LIMD2: variants seen among roughly 807,000 people sequenced by gnomAD.
LIMD2 encodes LIM domain containing 2, also known as LIM domain-containing protein 2.
A neutral mutation model predicts 16.0 loss-of-function variants in LIMD2; 11 were observed. That is an observed-to-expected ratio of 0.69 (90% CI 0.43 to 1.14). The LOEUF (loss-of-function observed/expected upper bound fraction) is 1.14. LIMD2 is among the 50% of genes most tolerant of loss of function. The pLI is 0.00. For synonymous variants in LIMD2, 60 were observed against 67.1 expected (o/e 0.89, Z 0.52); for missense variants, 168 against 165.8 (o/e 1.01, Z -0.07).
intron 1 of LIMD2, 195 bp from the exon 2 acceptor site, chr17:63,699,543 T>G: frequency 1.9e-6 from 1 of 523,172 alleles, no homozygotes; most frequent in East Asian, 3.6e-5. Flanking sequence ...GGGTCCCGAG[T>G]GGCACCGTCC....
intron 1 of LIMD2, 127 bp from the exon 2 acceptor site, chr17:63,699,475 T>C (rs1250627948): frequency 7.8e-6 from 7 of 902,034 alleles, no homozygotes; most frequent in Non-Finnish European, 1.1e-5. Flanking sequence ...CCTGTTGCTC[T>C]TGGTCTTGCC....
In LIMD2 at chr17:63,698,446, A is replaced by C; in HGVS notation, c.*106T>G. ...GGTCCCCTACGCCTGAGCAAGCCTC[A>C]TCCCCTTCCCACCTGGCCCCCACGC... On this transcript the variant is annotated 3_prime_UTR_variant, in exon 5 of 5. Transcript: ENST00000259006. 7.6e-7 allele frequency: 1 copy of C among 1,317,028 alleles called. No individual in the cohort carries two copies. Among genetic ancestry groups the C allele is most frequent in the Non-Finnish European group, 1.0e-6 (1 of 965,762 alleles). The allele number at this position is 1,317,028 out of a possible 1,614,324, so 81.6% of individuals were successfully genotyped here. A position where few individuals can be genotyped will look rare whatever the true frequency, so the allele number is the denominator to read the frequency against.
chr17:63,700,807 G>GCCCGGAAGCCCCGGCAGC (rs2035774288), upstream of LIMD2: 1 of 150,922 alleles, frequency 6.6e-6, no homozygotes, highest in Non-Finnish European at 1.5e-5. This position sits in a 1 kb window ranked among gnomAD's most constrained non-coding sequence, Gnocchi z 7.1. Flanking sequence ...CTGCACGAGG[G>GCCCGGAAGCCCCGGCAGC]CCCGGCAGCC....
intron 2 of LIMD2, 32 bp downstream of exon 2, chr17:63,699,225 C>G (rs1264461035): frequency 6.2e-7 from 1 of 1,609,734 alleles, no homozygotes; most frequent in East Asian, 2.2e-5. Context: ...GGCTCCTGTC[C>G]GGGGGGCCCT....
Position 63,698,197 on chromosome 17 carries a change from G to T in LIMD2, c.*355C>A. The T allele has an allele frequency of 7.0e-6, 2 of 285,516 alleles. No homozygotes were observed. Among genetic ancestry groups the T allele is most frequent in the South Asian group, 4.1e-5 (1 of 24,552 alleles). The allele number at this position is 285,516 out of a possible 1,614,324, so 17.7% of individuals were successfully genotyped here. Reference sequence around the variant, plus strand: ...CACAGTCTCCGGTGGCAGTGAGGGAGCTTGGGACCCTGAGGGGGGCATGCT... The same window carrying T: ...CACAGTCTCCGGTGGCAGTGAGGGATCTTGGGACCCTGAGGGGGGCATGCT... On this transcript the variant is annotated 3_prime_UTR_variant, in exon 5 of 5. Coordinates refer to ENST00000259006, the MANE Select transcript of LIMD2 (RefSeq NM_030576.4).
chr17:63,699,135 C>T, intron 2 of LIMD2, 66 bp from the exon 3 acceptor site: 1 of 1,577,366 alleles, frequency 6.3e-7, no homozygotes, highest in Non-Finnish European at 8.6e-7. Flanking sequence ...CTGCAGCCAT[C>T]AGCCCAAGGC....
Position 63,698,730 on chromosome 17 carries a change from G to T in LIMD2, c.225-19C>A. On this transcript the variant is annotated intron_variant, in intron 4 of 4. Transcript: ENST00000259006. Reference sequence around the variant, plus strand: ...GCCCAGGCTGCAGAAGCCAAACAACGGCGTCAGGTCAGGTCAGGTCGGGGC... The same window carrying T: ...GCCCAGGCTGCAGAAGCCAAACAACTGCGTCAGGTCAGGTCAGGTCGGGGC... 1 of 1,613,298 alleles carries T rather than the reference G, an allele frequency of 6.2e-7. No homozygotes were observed. Among genetic ancestry groups the T allele is most frequent in the Non-Finnish European group, 8.5e-7 (1 of 1,179,950 alleles).
At chr17:63,700,216 A>AGCCGCCTTCGGGGCCCCGGC, upstream of LIMD2, 1 of 930,578 alleles carries the variant, frequency 1.1e-6, no homozygotes, top group Non-Finnish European at 1.3e-6. The surrounding 1 kb of genome is among the most constrained non-coding windows in gnomAD (Gnocchi z 7.1). Flanking sequence ...CCGCGCCCGG[A>AGCCGCCTTCGGGGCCCCGGC]GCCGCCTTCG....
chr17:63,700,156 C>T, upstream of LIMD2: 3 of 983,230 alleles, frequency 3.1e-6, no homozygotes, highest in Non-Finnish European at 3.6e-6. This position sits in a 1 kb window ranked among gnomAD's most constrained non-coding sequence, Gnocchi z 7.1. Flanking sequence ...ACCGCCTTAT[C>T]GCTGCACCGC....
At chr17:63,699,673 T>G in intron 1 of LIMD2, 1 of 297,392 alleles carries the variant, frequency 3.4e-6, no homozygotes, top group Non-Finnish European at 5.1e-6. Context: ...GGGGCCGCGA[T>G]GAGAAGCCGC....
At position 63,696,410 on chromosome 17, in the gene LIMD2, G is replaced by A. The variant is rs1205699087; in HGVS notation, c.*2142C>T. 6.6e-6 allele frequency: 1 copy of A among 152,346 alleles called. No individual in the cohort carries two copies. Among genetic ancestry groups the A allele is most frequent in the African/African-American group, 2.4e-5 (1 of 41,340 alleles). 9.4% of individuals were successfully genotyped at this position (152,346 alleles called of 1,614,324 possible). A position where few individuals can be genotyped will look rare whatever the true frequency, so the allele number is the denominator to read the frequency against. The stretch of plus-strand genomic sequence containing the variant: ...CTGGCAACGAGCCTGGGCCTTTCAA[G>A]CAGAAGAGAACTTGACTCCAAGTAG... On this transcript the variant is annotated 3_prime_UTR_variant, in exon 5 of 5. Transcript: ENST00000259006.
At chr17:63,699,773 C>CG in intron 1 of LIMD2, 13 of 160,290 alleles carry the variant, frequency 8.1e-5, no homozygotes, top group Non-Finnish European at 1.7e-4. Context: ...CGCCCGAGGT[C>CG]CCCGCCCGCC....
chr17:63,699,512 A>C (rs1012109626), intron 1 of LIMD2, 164 bp from the exon 2 acceptor site: 1 of 595,880 alleles, frequency 1.7e-6, no homozygotes, highest in Non-Finnish European at 2.7e-6. Context: ...CACCTCCCCC[A>C]CCCCTGCTCC....
Position 63,698,643 on chromosome 17 carries a change from C to T in LIMD2, c.293G>A (p.Ser98Asn). The T allele has an allele frequency of 6.2e-7, 1 of 1,613,894 alleles. No homozygotes were observed. The highest frequency in any genetic ancestry group is 2.2e-5 in the East Asian group (1 of 44,884). ...AAACCCCTCGTCGTAGTTGCCTTTGCTCTTAAACAGCTGCTGGAAGTGGGG... is the reference window on the plus strand; with the variant it reads ...AAACCCCTCGTCGTAGTTGCCTTTGTTCTTAAACAGCTGCTGGAAGTGGGG... The part of the protein sequence containing the change: ...CKPHFQQLFK[S>N]KGNYDEGFGR... The change falls in exon 5 of 5, where the codon AGC becomes AAC. Residue 98 changes from serine (S) to asparagine (N), a missense_variant. Ser to Asn is a conservative substitution (Grantham distance 46). Coordinates refer to ENST00000259006, the MANE Select transcript of LIMD2 (RefSeq NM_030576.4).
At position 63,698,940 on chromosome 17, in the gene LIMD2, T is replaced by A. The variant is rs1317910553; in HGVS notation, c.85-2A>T. On this transcript the variant is annotated splice_acceptor_variant, in intron 3 of 4. Coordinates refer to ENST00000259006, the MANE Select transcript of LIMD2 (RefSeq NM_030576.4). LOFTEE classifies it high-confidence loss of function. Reference sequence around the variant, plus strand: ...CACCTGGGCCCGCAGGCTGAAGGACTGTGCGGGAAGCTCAGCCAGGTGCTG... The same window carrying A: ...CACCTGGGCCCGCAGGCTGAAGGACAGTGCGGGAAGCTCAGCCAGGTGCTG... 2.5e-6 allele frequency: 4 copies of A among 1,612,738 alleles called. No homozygotes were observed. Among genetic ancestry groups the A allele is most frequent in the Non-Finnish European group, 3.4e-6 (4 of 1,179,900 alleles).
chr17:63,699,396 C>A, intron 1 of LIMD2, 48 bp from the exon 2 acceptor site: 1 of 1,491,628 alleles, frequency 6.7e-7, no homozygotes, highest in Non-Finnish European at 8.9e-7. Flanking sequence ...CGGCCCCAGC[C>A]TGCAGGGTGG....
intron 2 of LIMD2, 21 bp downstream of exon 2, chr17:63,699,236 C>T: frequency 6.2e-7 from 1 of 1,610,962 alleles, no homozygotes; most frequent in Non-Finnish European, 8.5e-7. Flanking sequence ...GGGGGGCCCT[C>T]CCACCCAGCC....
At chr17:63,699,208 C>T (rs1257748839) in intron 2 of LIMD2, 49 bp downstream of exon 2, 10 of 1,605,954 alleles carry the variant, frequency 6.2e-6, no homozygotes, top group East Asian at 2.2e-5. Flanking sequence ...CCCTTCACCC[C>T]AGGCCAGGCT....
Position 63,699,357 on chromosome 17 carries a change from G to A in LIMD2, c.-50-9C>T. 2 of 1,555,492 alleles carry A rather than the reference G, an allele frequency of 1.3e-6. No homozygotes were observed. The highest frequency in any genetic ancestry group is 1.7e-6 in the Non-Finnish European group (2 of 1,151,206). ...GCGGCACCCGCTGGGTTCTGCAAGG[G>A]GAAGTCAGTCGGGAGGGCCCCGCCA... is the stretch of plus-strand genomic sequence containing the variant. On this transcript the variant is annotated splice_polypyrimidine_tract_variant and intron_variant, in intron 1 of 4. Coordinates refer to ENST00000259006, the MANE Select transcript of LIMD2 (RefSeq NM_030576.4).
Sources: gnomAD v4.1 joint callset for allele counts on GRCh38, gnomAD v4.1.1 for gene constraint, Gnocchi (gnomAD v3.1) non-coding constraint, MANE v1.5 for transcripts, NCBI Gene and HGNC (gene_info 2026-07-23, HGNC 2026-07-21) for gene names.